DAB1: variants seen among roughly 807,000 people sequenced by gnomAD.
DAB1 encodes the protein DAB adaptor protein 1.
In DAB1, 15 loss-of-function variants were observed where a neutral mutation model predicts 64.6. That is an observed-to-expected ratio of 0.23 (90% CI 0.16 to 0.36). The LOEUF (loss-of-function observed/expected upper bound fraction) is 0.36, where lower values mean the gene tolerates loss of function less well. DAB1 is among the 10% of genes least tolerant of loss of function. The pLI is 1.00. For missense variants in DAB1, 596 were observed against 706.7 expected, an observed-to-expected ratio of 0.84 and a Z score of 1.78; for synonymous variants, 235 against 251.9, an observed-to-expected ratio of 0.93 and a Z score of 0.64.
chr1:57,856,603 A>T (rs1321332743), intron 1 of DAB1, among the ~76,000 whole-genome samples: 1 of 151,846 alleles, frequency 6.6e-6, no homozygotes, highest in East Asian at 1.9e-4. Context: ...TCTCTACTAA[A>T]ATTACAAAAA....
chr1:58,178,143 C>A (rs988689705), intron 4 of DAB1, among the ~76,000 whole-genome samples: 1 of 152,162 alleles, frequency 6.6e-6, no homozygotes, highest in Admixed American at 6.5e-5. Context: ...TAACCTCTTA[C>A]TAATTAAAGT....
chr1:57,523,447 A>G (rs1332083320), intron 7 of DAB1, among the ~76,000 whole-genome samples: 3 of 152,238 alleles, frequency 2.0e-5, no homozygotes, highest in Non-Finnish European at 2.9e-5. Context: ...GCACTTGTAT[A>G]TGAACAAACA....
At chr1:57,269,232 C>A (rs1443954775) in intron 2 of DAB1, among the ~76,000 whole-genome samples, 1 of 152,118 alleles carries the variant, frequency 6.6e-6, no homozygotes, top group Non-Finnish European at 1.5e-5. Flanking sequence ...GAGAGCACAG[C>A]AAAATAGAGT....
At chr1:58,024,349 GCTTACCT>G (rs1469319574) in intron 5 of DAB1, among the ~76,000 whole-genome samples, 1 of 152,150 alleles carries the variant, frequency 6.6e-6, no homozygotes, top group East Asian at 1.9e-4. Flanking sequence ...TGGACAATTA[GCTTACCT>G]CTTTGCAGCT....
At chr1:57,135,896 G>A (rs965641592) in intron 4 of DAB1, among the ~76,000 whole-genome samples, 8 of 152,096 alleles carry the variant, frequency 5.3e-5, no homozygotes, top group African/African-American at 1.2e-4. Context: ...CTTGGAAAAC[G>A]GATCATAGAA....
At chr1:57,094,234 A>G (rs1653956292) in intron 4 of DAB1, among the ~76,000 whole-genome samples, 1 of 151,866 alleles carries the variant, frequency 6.6e-6, no homozygotes, top group Admixed American at 6.6e-5. Flanking sequence ...CTTCAATAAT[A>G]TTTACTGAGT....
intron 6 of DAB1, among the ~76,000 whole-genome samples, chr1:57,682,982 C>G (rs994299388): frequency 7.9e-5 from 12 of 152,262 alleles, no homozygotes; most frequent in African/African-American, 2.9e-4. Context: ...GCCTGAGTAC[C>G]CTGCTCTGCC....
chr1:57,322,978 C>T lies in DAB1; in HGVS notation c.-136-31812G>A, dbSNP rs539784769. 1.2e-3 allele frequency among the ~76,000 whole-genome samples: 178 copies of T among 152,204 alleles called. 2 individuals carry two copies. The highest frequency in any genetic ancestry group is 3.9e-3 in the African/African-American group (163 of 41,544). On this transcript the variant is annotated intron_variant, in intron 1 of 14. Coordinates refer to ENST00000371236, the MANE Select transcript of DAB1 (RefSeq NM_001365792.1). ...GCTCAAGGGTTCTGGAATGTTAATA[C>T]GTTTATGAATGACTAGTGATCTGCT...
chr1:57,876,503 T>C (rs1479555645), intron 1 of DAB1: 1 of 152,208 alleles, frequency 6.6e-6, no homozygotes, highest in Non-Finnish European at 1.5e-5. Flanking sequence ...CAGACAGAAC[T>C]GGGAAAATGA....
intron 1 of DAB1, among the ~76,000 whole-genome samples, chr1:57,294,849 G>A (rs958135820): frequency 2.0e-5 from 3 of 152,082 alleles, no homozygotes; most frequent in Non-Finnish European, 4.4e-5. Context: ...TTCCATTAGT[G>A]GGTGAATGGA....
chr1:57,333,585 G>A (rs1676853500), intron 1 of DAB1, among the ~76,000 whole-genome samples: 1 of 152,200 alleles, frequency 6.6e-6, no homozygotes, highest in African/African-American at 2.4e-5. Context: ...ACAAAGATAA[G>A]AAGAAATGAG....
chr1:58,038,089 T>C (rs1025354050), intron 5 of DAB1, among the ~76,000 whole-genome samples: 1 of 152,212 alleles, frequency 6.6e-6, no homozygotes, highest in African/African-American at 2.4e-5. Flanking sequence ...ACTGACTTGA[T>C]ATCTTTTATA....
At chr1:57,835,649 C>T (rs923147731) in intron 1 of DAB1, among the ~76,000 whole-genome samples, 1 of 152,162 alleles carries the variant, frequency 6.6e-6, no homozygotes, top group Non-Finnish European at 1.5e-5. Flanking sequence ...TTCTCACTTC[C>T]CCAGCTACAG....
intron 7 of DAB1, among the ~76,000 whole-genome samples, chr1:57,430,900 C>T (rs1255801067): frequency 2.0e-5 from 1 of 50,194 alleles, no homozygotes; most frequent in Non-Finnish European, 3.9e-5. Context: ...TAGGCATTGG[C>T]AGAGAAAGAA....
intron 7 of DAB1, among the ~76,000 whole-genome samples, chr1:57,538,564 A>T (rs1030931647): frequency 2.0e-5 from 3 of 152,218 alleles, no homozygotes; most frequent in Non-Finnish European, 2.9e-5. Context: ...GACAAGAAAG[A>T]GCTGGAGATG....
intron 3 of DAB1, among the ~76,000 whole-genome samples, chr1:58,418,473 A>G (rs1286155871): frequency 6.6e-6 from 1 of 152,146 alleles, no homozygotes; most frequent in Non-Finnish European, 1.5e-5. Flanking sequence ...AATCAGTTAT[A>G]CATATATGTA....
intron 7 of DAB1, among the ~76,000 whole-genome samples, chr1:57,444,049 C>A (rs1686048929): frequency 6.6e-6 from 1 of 152,134 alleles, no homozygotes; most frequent in Non-Finnish European, 1.5e-5. Context: ...GCCCCCTGTT[C>A]CCTAGACCCC....
intron 5 of DAB1, among the ~76,000 whole-genome samples, chr1:57,943,734 C>T (rs1053146010): frequency 6.6e-6 from 1 of 152,044 alleles, no homozygotes; most frequent in Non-Finnish European, 1.5e-5. Context: ...ATGAGAAAGC[C>T]AAGAGCAGTT....
intron 5 of DAB1, among the ~76,000 whole-genome samples, chr1:58,111,233 T>G (rs1389948418): frequency 6.6e-6 from 1 of 152,226 alleles, no homozygotes; most frequent in East Asian, 1.9e-4. Context: ...CTGTGTAATC[T>G]CAGGCAAGTT....
Sources: allele counts gnomAD v4.1 joint callset (sites outside exome capture counted in the v4.1 genomes callset), GRCh38; gene constraint gnomAD v4.1.1; transcripts MANE v1.5; gene names NCBI Gene and HGNC (gene_info 2026-07-23, HGNC 2026-07-21).